The following RBM41 variants were observed in gnomAD, a reference collection of about 807,000 sequenced individuals.
RBM41 encodes the protein RNA-binding protein 41.
A neutral mutation model predicts 30.8 loss-of-function variants in RBM41; 14 were observed. The observed-to-expected ratio is 0.45, with a 90% CI of 0.30 to 0.71. The LOEUF (loss-of-function observed/expected upper bound fraction) is 0.71, where lower values mean the gene tolerates loss of function less well. Ranked by LOEUF, RBM41 falls within the 30% of genes least tolerant of loss-of-function variation. The pLI is 0.08. For synonymous variants in RBM41, 120 were observed against 110.1 expected (o/e 1.09, Z -0.56); for missense variants, 276 against 326.3 (o/e 0.85, Z 1.19).
chrX:107,102,530 G>C (rs1174305662), intron 5 of RBM41, among the ~76,000 whole-genome samples: 3 of 111,495 alleles, frequency 2.7e-5, no homozygotes, highest in Non-Finnish European at 3.8e-5. Flanking sequence ...GGTTATCTAG[G>C]AAGAATCTGT....
intron 6 of RBM41, among the ~76,000 whole-genome samples, chrX:107,080,196 G>A (rs980962194): frequency 9.0e-6 from 1 of 110,557 alleles, no homozygotes; most frequent in Non-Finnish European, 1.9e-5. Context: ...TGTAAGAGGT[G>A]GCCAACCTGT....
intron 6 of RBM41, among the ~76,000 whole-genome samples, chrX:107,083,372 C>T (rs769509190): frequency 4.5e-5 from 5 of 110,861 alleles, no homozygotes; most frequent in South Asian, 7.5e-4. Flanking sequence ...GAACATGATA[C>T]GCTTAGGTGT....
the RBM41 span, among the ~76,000 whole-genome samples, chrX:107,055,525 C>T: frequency 4.5e-5 from 5 of 111,758 alleles, no homozygotes; most frequent in African/African-American, 1.3e-4. Context: ...AGGGTTTCAT[C>T]GTGTTACTCA....
In RBM41 at chrX:107,067,637, T is replaced by C; in HGVS notation, c.1204A>G (p.Lys402Glu). ...HLVNGYKLHGKILVIEFGKNK... is the reference protein window; with the variant it reads ...HLVNGYKLHGEILVIEFGKNK... ...TTTCCAAACTCTATCACCAATATTT[T>C]CCCATGTAGTTTGTATCCATTTACT... is the stretch of plus-strand genomic sequence containing the variant. Residue 402 changes from lysine (K) to glutamate (E), a missense_variant, in exon 8 of 8, where the codon AAA becomes GAA. Physicochemically the swap from Lys to Glu is moderately conservative, Grantham distance 56. Transcript: ENST00000685964. The C allele has an allele frequency of 8.3e-7, 1 of 1,210,662 alleles. No individual in the cohort carries two copies. Among genetic ancestry groups the C allele is most frequent in the Non-Finnish European group, 1.1e-6 (1 of 894,799 alleles).
chrX:107,099,690 TACACACAC>T (rs58279760), intron 5 of RBM41, among the ~76,000 whole-genome samples: 15 of 92,526 alleles, frequency 1.6e-4, no homozygotes, highest in Middle Eastern at 5.8e-3. Context: ...TCCTGAAAGG[TACACACAC>T]ACACACACAC....
intron 6 of RBM41, among the ~76,000 whole-genome samples, chrX:107,079,401 T>A (rs1254038462): frequency 9.0e-6 from 1 of 111,185 alleles, no homozygotes. Flanking sequence ...TGTATAAGAG[T>A]ATCAGAATTG....
At chrX:107,101,363 C>T (rs189983598) in intron 5 of RBM41, among the ~76,000 whole-genome samples, 3 of 111,656 alleles carry the variant, frequency 2.7e-5, no homozygotes, top group East Asian at 5.6e-4. Flanking sequence ...ATAGAATCCT[C>T]CCAAAATTCA....
At chrX:107,117,376 G>A (rs1705811718) in intron 1 of RBM41, among the ~76,000 whole-genome samples, 3 of 112,254 alleles carry the variant, frequency 2.7e-5, no homozygotes, top group Admixed American at 1.9e-4. Context: ...GAAGAAACAA[G>A]AAGAACTAGT....
At chrX:107,075,337 C>A (rs1225558027) in intron 6 of RBM41, among the ~76,000 whole-genome samples, 1 of 111,786 alleles carries the variant, frequency 8.9e-6, no homozygotes, top group African/African-American at 3.3e-5. Context: ...ACCTTCTTCA[C>A]ATTAGTCTTG....
chrX:107,080,584 CACGAA>C (rs1309573960), intron 6 of RBM41, among the ~76,000 whole-genome samples: 1 of 85,181 alleles, frequency 1.2e-5, no homozygotes, highest in African/African-American at 5.5e-5. Flanking sequence ...TGCCTCAAAA[CACGAA>C]ACAAAACAAA....
rs756979902 is a variant in RBM41 at position 107,062,341 on chromosome X, T to G, written c.*5186A>C. On this transcript the variant is annotated 3_prime_UTR_variant, in exon 8 of 8. Transcript: ENST00000685964. ...TCATTTTTATGTTCCTCAATTGCAGTGGTCTGTAGGTCTAGTAAAAAGCAG... is the reference window on the plus strand; with the variant it reads ...TCATTTTTATGTTCCTCAATTGCAGGGGTCTGTAGGTCTAGTAAAAAGCAG... Among the ~76,000 whole-genome samples, 13 of 111,696 alleles carry G rather than the reference T, an allele frequency of 1.2e-4. No individual in the cohort carries two copies. Among genetic ancestry groups the G allele is most frequent in the Non-Finnish European group, 1.9e-4 (10 of 53,138 alleles).
chrX:107,074,728 C>T (rs1048596668), intron 6 of RBM41, among the ~76,000 whole-genome samples: 7 of 111,450 alleles, frequency 6.3e-5, no homozygotes, highest in Admixed American at 9.5e-5. Flanking sequence ...AAGACTTGTA[C>T]ACTGAAAACT....
chrX:107,087,902 T>C (rs2147598735), intron 6 of RBM41, among the ~76,000 whole-genome samples: 1 of 112,606 alleles, frequency 8.9e-6, no homozygotes, highest in African/African-American at 3.2e-5. Flanking sequence ...ACACCTGGCC[T>C]TGTTGGACAA....
At chrX:107,069,670 G>C (rs1935975895) in intron 6 of RBM41, 2 of 191,018 alleles carry the variant, frequency 1.0e-5, no homozygotes, top group African/African-American at 6.0e-5. Flanking sequence ...GTCCAGGCTG[G>C]TCTTGAACTC....
chrX:107,067,407 TC>T lies in RBM41; in HGVS notation c.*119del. On this transcript the variant is annotated 3_prime_UTR_variant, in exon 8 of 8. Coordinates refer to ENST00000685964, the MANE Select transcript of RBM41 (RefSeq NM_001324242.2). ...TCTCCAAAAGCTGAAATTACTTTTT[TC>T]CCCTCCCTCAGTTAGTTTTTCCTCT... is the stretch of plus-strand genomic sequence containing the variant. 1 of 1,095,034 alleles carries T rather than the reference TC, an allele frequency of 9.1e-7. No individual in the cohort carries two copies. The highest frequency in any genetic ancestry group is 1.2e-6 in the Non-Finnish European group (1 of 841,599). 90.2% of individuals were successfully genotyped at this position (1,095,034 alleles called of 1,213,427 possible). A position where few individuals can be genotyped will look rare whatever the true frequency, so the allele number is the denominator to read the frequency against.
Position 107,063,923 on chromosome X carries a change from A to G in RBM41, c.*3604T>C, listed in dbSNP as rs762321182. Among the ~76,000 whole-genome samples the G allele has an allele frequency of 8.1e-4, 86 of 106,635 alleles. No homozygotes were observed. The highest frequency in any genetic ancestry group is 2.9e-3 in the African/African-American group (85 of 29,225). The allele number at this position is 106,635 out of a possible 115,157, so 92.6% of individuals were successfully genotyped here. A position where few individuals can be genotyped will look rare whatever the true frequency, so the allele number is the denominator to read the frequency against. On this transcript the variant is annotated 3_prime_UTR_variant, in exon 8 of 8. Coordinates refer to ENST00000685964, the MANE Select transcript of RBM41 (RefSeq NM_001324242.2). ...CTTTTTCCAGGGTCTTAAGGTGTAA[A>G]GTGAGGTTAGTGCTATGGTCTTTCT... is the stretch of plus-strand genomic sequence containing the variant.
chrX:107,071,740 G>A (rs1936072365), intron 6 of RBM41, among the ~76,000 whole-genome samples: 1 of 111,197 alleles, frequency 9.0e-6, no homozygotes, highest in African/African-American at 3.3e-5. Context: ...ACTAATAGAA[G>A]GAATTTACCT....
intron 5 of RBM41, among the ~76,000 whole-genome samples, chrX:107,109,397 T>C (rs549348318): frequency 2.8e-4 from 31 of 111,888 alleles, no homozygotes; most frequent in African/African-American, 1.0e-3. Context: ...CACAAATAGA[T>C]TAAAAGCAAA....
At chrX:107,116,503 G>A (rs887937200) in intron 2 of RBM41, 147 bp downstream of exon 2, 1 of 941,411 alleles carries the variant, frequency 1.1e-6, no homozygotes, top group African/African-American at 2.0e-5. Flanking sequence ...CAGAGGAAGA[G>A]ACACAGAATT....
Sources: gnomAD v4.1 joint callset for allele counts (sites outside exome capture counted in the v4.1 genomes callset) on GRCh38, gnomAD v4.1.1 for gene constraint, MANE v1.5 for transcripts, NCBI Gene and HGNC (gene_info 2026-07-23, HGNC 2026-07-21) for gene names.